Variants in HDAC7 observed in about 807,000 individuals in gnomAD.
HDAC7 encodes the protein histone deacetylase 7.
A neutral mutation model predicts 115.5 loss-of-function variants in HDAC7; 26 were observed. That is an observed-to-expected ratio of 0.23 (90% CI 0.16 to 0.31). The LOEUF is 0.31. Ranked by LOEUF, HDAC7 falls within the 10% of genes least tolerant of loss-of-function variation. The pLI is 1.00. For synonymous variants in HDAC7, 564 were observed against 550.9 expected (o/e 1.02, Z -0.33); for missense variants, 1,068 against 1,329.0 (o/e 0.80, Z 3.05).
chr12:47,794,729 C>T (rs760198638), intron 12 of HDAC7, 31 bp downstream of exon 12: 1 of 1,535,288 alleles, frequency 6.5e-7, no homozygotes, highest in East Asian at 2.3e-5. Context: ...TCTGAGGACA[C>T]TTTCTGAGGG....
At chr12:47,796,582 C>G (rs2136971972) in intron 7 of HDAC7, among the ~76,000 whole-genome samples, 1 of 152,116 alleles carries the variant, frequency 6.6e-6, no homozygotes, top group South Asian at 2.1e-4. Flanking sequence ...CACCACCGTG[C>G]CTGGCTAATT....
chr12:47,796,171 C>G (rs200834522), intron 8 of HDAC7, 36 bp downstream of exon 8: 7 of 1,579,052 alleles, frequency 4.4e-6, no homozygotes, highest in Non-Finnish European at 5.2e-6. Context: ...AGCCTCAGAA[C>G]TGCCCCAGGA....
intron 17 of HDAC7, 35 bp from the exon 18 acceptor site, chr12:47,789,613 C>G (rs747050885): frequency 3.7e-6 from 6 of 1,610,580 alleles, no homozygotes; most frequent in Non-Finnish European, 5.1e-6. Context: ...AATCAACAGA[C>G]AGCTCTGACC....
At position 47,791,682 on chromosome 12, in the gene HDAC7, G is replaced by A; in HGVS notation, c.1837C>T (p.Leu613=). ...GAGTGGACCGACTGCAGCTCTTCCA[G>A]GGAGGCCTTCCGGCCTCGGAGACAC... ...CECLRGRKAS[L]EELQSVHSER... Residue 613 remains leucine (L), a synonymous_variant, in exon 15 of 26, where the codon CTG becomes TTG. Transcript: ENST00000080059. The A allele has an allele frequency of 2.5e-6, 4 of 1,613,764 alleles. No individual in the cohort carries two copies. The highest frequency in any genetic ancestry group is 3.4e-6 in the Non-Finnish European group (4 of 1,179,966).
At chr12:47,821,099 A>G (rs571108131), upstream of HDAC7, among the ~76,000 whole-genome samples, 1 of 152,250 alleles carries the variant, frequency 6.6e-6, no homozygotes, top group African/African-American at 2.4e-5. Flanking sequence ...ATTGTAAACC[A>G]AGGAGCAGCT....
rs1943938057 is a variant in HDAC7 at position 47,797,815 on chromosome 12, A to G, written c.461+293T>C. Among the ~76,000 whole-genome samples the G allele has an allele frequency of 6.6e-6, 1 of 150,962 alleles. No homozygotes were observed. The highest frequency in any genetic ancestry group is 1.5e-5 in the Non-Finnish European group (1 of 67,772). On this transcript the variant is annotated intron_variant, in intron 5 of 25. Coordinates refer to ENST00000080059, the MANE Select transcript of HDAC7 (RefSeq NM_015401.5). This position sits in a 1 kb window ranked among gnomAD's most constrained non-coding sequence, Gnocchi z 5.5. ...ACATTTTTGCGCTCAGGGAAAATATAAAGAGAGAAGGGGCTCATGTGCAAG... is the reference window on the plus strand; with the variant it reads ...ACATTTTTGCGCTCAGGGAAAATATGAAGAGAGAAGGGGCTCATGTGCAAG...
At position 47,797,855 on chromosome 12, in the gene HDAC7, G is replaced by GGTGTGTGT. The variant is rs373121556; in HGVS notation, c.461+245_461+252dup. Among the ~76,000 whole-genome samples, 8,788 of 123,800 alleles carry GGTGTGTGT rather than the reference G, an allele frequency of 0.071. 363 individuals are homozygous for GGTGTGTGT. The highest frequency in any genetic ancestry group is 0.087 in the South Asian group (315 of 3,608). The allele number at this position is 123,800 out of a possible 152,430, so 81.2% of individuals were successfully genotyped here. On this transcript the variant is annotated intron_variant, in intron 5 of 25. Coordinates refer to ENST00000080059, the MANE Select transcript of HDAC7 (RefSeq NM_015401.5). The surrounding 1 kb of genome is among the most constrained non-coding windows in gnomAD (Gnocchi z 5.5). ...TCATGTGCAAGAAAAAAGCCAGTAGGGTGTGTGTGTGTGTGTGTGTGTGTG... is the reference window on the plus strand; with the variant it reads ...TCATGTGCAAGAAAAAAGCCAGTAGGGTGTGTGTGTGTGTGTGTGTGTGTGTGTGTGTG...
In HDAC7 at chr12:47,798,746, G is replaced by A; in HGVS notation, c.258+39C>T. On this transcript the variant is annotated intron_variant, in intron 3 of 25. Coordinates refer to ENST00000080059, the MANE Select transcript of HDAC7 (RefSeq NM_015401.5). The surrounding 1 kb of genome is among the most constrained non-coding windows in gnomAD (Gnocchi z 4.3). ...TGAAGGCGGGGAGGCTGGGGACCAA[G>A]CTCAAGGTGGCCCCACATGCAGGGA... 1 of 1,554,466 alleles carries A rather than the reference G, an allele frequency of 6.4e-7. No individual in the cohort carries two copies. Among genetic ancestry groups the A allele is most frequent in the Non-Finnish European group, 8.7e-7 (1 of 1,147,666 alleles).
chr12:47,816,840 G>C (rs1038885174), intron 1 of HDAC7, among the ~76,000 whole-genome samples: 1 of 152,102 alleles, frequency 6.6e-6, no homozygotes, highest in Non-Finnish European at 1.5e-5. Flanking sequence ...GGGCCCTTCC[G>C]GGCGTCCAGC....
At chr12:47,802,384 C>T in intron 1 of HDAC7, 110 bp from the exon 2 acceptor site, 14 of 1,530,414 alleles carry the variant, frequency 9.1e-6, no homozygotes, top group Non-Finnish European at 1.2e-5. Context: ...AGCTTGAGCA[C>T]GCCAAAGCCT....
chr12:47,808,408 G>A (rs1035209495), intron 1 of HDAC7, among the ~76,000 whole-genome samples: 2 of 152,132 alleles, frequency 1.3e-5, no homozygotes, highest in South Asian at 2.1e-4. Flanking sequence ...AGCTCCCTGG[G>A]GGTGGGAAAG....
intron 23 of HDAC7, 50 bp downstream of exon 23, chr12:47,785,702 C>A: frequency 1.3e-6 from 2 of 1,563,562 alleles, no homozygotes; most frequent in Non-Finnish European, 1.7e-6. Flanking sequence ...TCCTGAGAGC[C>A]GGGCTTACCT....
intron 17 of HDAC7, 97 bp downstream of exon 17, chr12:47,789,716 G>A: frequency 7.4e-7 from 1 of 1,360,500 alleles, no homozygotes; most frequent in Non-Finnish European, 1.0e-6. Flanking sequence ...CAATCTCTAA[G>A]AGGAATGCGA....
In HDAC7 at chr12:47,795,345, G is replaced by C; in HGVS notation, c.1123C>G (p.Gln375Glu). ...GLGPLPFHFA[Q>E]SLMTTERLSG... ...AGCCGCTCGGTGGTCATTAAGGACT[G>C]GGCAAAGTGGAAGGGCAAGGGCCCA... Residue 375 changes from glutamine (Q) to glutamate (E), a missense_variant, in exon 11 of 26, where the codon CAG becomes GAG. Gln to Glu is a conservative substitution (Grantham distance 29, BLOSUM62 2). Transcript: ENST00000080059. This position sits in a 1 kb window ranked among gnomAD's most constrained non-coding sequence, Gnocchi z 4.3. 6.2e-7 allele frequency: 1 copy of C among 1,611,004 alleles called. No homozygotes were observed. Among genetic ancestry groups the C allele is most frequent in the Non-Finnish European group, 8.5e-7 (1 of 1,178,778 alleles).
intron 17 of HDAC7, 27 bp downstream of exon 17, chr12:47,789,786 T>G (rs761466726): frequency 6.4e-7 from 1 of 1,560,848 alleles, no homozygotes; most frequent in Non-Finnish European, 8.8e-7. Context: ...CTTTGTGGTG[T>G]GTCCACCTTC....
At chr12:47,785,196 G>A (rs539983214) in intron 24 of HDAC7, 191 bp downstream of exon 24, 2 of 589,410 alleles carry the variant, frequency 3.4e-6, no homozygotes, top group South Asian at 4.2e-5. Flanking sequence ...TCCATCGGGG[G>A]GGCTCAGAGG....
chr12:47,789,724 C>A (rs774386411), intron 17 of HDAC7, 89 bp downstream of exon 17: 12 of 1,360,526 alleles, frequency 8.8e-6, no homozygotes, highest in Non-Finnish European at 1.3e-5. Context: ...AAGAGGAATG[C>A]GATGCCTGGG....
chr12:47,785,225 G>A (rs1445938021), intron 24 of HDAC7, 162 bp downstream of exon 24: 1 of 654,128 alleles, frequency 1.5e-6, no homozygotes, highest in South Asian at 1.9e-5. Flanking sequence ...TCACTGGGGG[G>A]TGCTCACCAT....
chr12:47,813,058 A>T (rs1021125934), intron 1 of HDAC7: 2 of 152,266 alleles, frequency 1.3e-5, no homozygotes. Context: ...GGGGAAGCAC[A>T]GCCCTGCGCT....
Sources: allele counts gnomAD v4.1 joint callset (sites outside exome capture counted in the v4.1 genomes callset), GRCh38; gene constraint gnomAD v4.1.1; non-coding constraint Gnocchi (gnomAD v3.1); transcripts MANE v1.5; gene names NCBI Gene and HGNC (gene_info 2026-07-23, HGNC 2026-07-21).